CCNY: variants seen among roughly 807,000 people sequenced by gnomAD.
The protein encoded by CCNY is cyclin Y.
Under a neutral mutation model 42.8 loss-of-function variants are expected in CCNY, and 19 were observed. That is an observed-to-expected ratio of 0.44 (90% CI 0.31 to 0.65). CCNY has a LOEUF of 0.65. CCNY is among the 30% of genes least tolerant of loss of function. CCNY has a pLI of 0.07. For missense variants in CCNY, 370 were observed against 437.3 expected (o/e 0.85, Z 1.37); for synonymous variants, 165 against 162.7 (o/e 1.01, Z -0.11).
chr10:35,376,698 C>A (rs1837059402), intron 1 of CCNY, among the ~76,000 whole-genome samples: 1 of 152,094 alleles, frequency 6.6e-6, no homozygotes. Flanking sequence ...GGATGCTCAG[C>A]CTGTATTATT....
intron 1 of CCNY, among the ~76,000 whole-genome samples, chr10:35,381,994 G>T (rs1463972024): frequency 1.3e-5 from 2 of 152,088 alleles, no homozygotes; most frequent in Non-Finnish European, 2.9e-5. Context: ...AACAAATCAA[G>T]AAAATAATAG....
intron 1 of CCNY, among the ~76,000 whole-genome samples, chr10:35,368,133 C>T (rs1836849344): frequency 6.6e-6 from 1 of 152,200 alleles, no homozygotes; most frequent in Non-Finnish European, 1.5e-5. Flanking sequence ...ACGAGAACTG[C>T]TTATTTGGGA....
At chr10:35,560,994 T>C (rs982705142) in intron 8 of CCNY, among the ~76,000 whole-genome samples, 1 of 152,136 alleles carries the variant, frequency 6.6e-6, no homozygotes, top group Non-Finnish European at 1.5e-5. Context: ...CGGTGAGTTT[T>C]CCCAGCATAA....
intron 3 of CCNY, among the ~76,000 whole-genome samples, chr10:35,261,064 T>C (rs1041998099): frequency 6.6e-6 from 1 of 152,006 alleles, no homozygotes; most frequent in African/African-American, 2.4e-5. Flanking sequence ...TGAGCCGTGA[T>C]TGTGCTACTG....
At chr10:35,522,156 G>A (rs894725754) in intron 4 of CCNY, among the ~76,000 whole-genome samples, 4 of 152,186 alleles carry the variant, frequency 2.6e-5, no homozygotes, top group African/African-American at 4.8e-5. Context: ...AGAAGGTGGT[G>A]AGCACCGCCA....
intron 3 of CCNY, chr10:35,316,204 G>C (rs893828157): frequency 2.6e-5 from 4 of 152,216 alleles, no homozygotes; most frequent in Non-Finnish European, 5.9e-5. Context: ...CAGTGTACTA[G>C]AGTAACAGAG....
At chr10:35,494,383 C>T (rs1201767205) in intron 2 of CCNY, among the ~76,000 whole-genome samples, 2 of 152,044 alleles carry the variant, frequency 1.3e-5, no homozygotes, top group Non-Finnish European at 2.9e-5. Context: ...TTAGAATACA[C>T]AGCACTTTAA....
At chr10:35,420,713 CT>C (rs1041964621) in intron 1 of CCNY, among the ~76,000 whole-genome samples, 22 of 152,228 alleles carry the variant, frequency 1.4e-4, no homozygotes, top group African/African-American at 4.3e-4. Context: ...ATGAAGTAAA[CT>C]TTTTTAAAGC....
upstream of CCNY, chr10:35,335,856 G>GACACACAC (rs113808457): frequency 6.9e-6 from 1 of 145,912 alleles, no homozygotes; most frequent in East Asian, 2.0e-4. Context: ...CTACTTTGGA[G>GACACACAC]ACACACACAC....
At position 35,322,437 on chromosome 10, in the gene CCNY, T is replaced by G. The variant is rs534176856; in HGVS notation, c.-9+71811T>G. The stretch of plus-strand genomic sequence containing the variant: ...TGATCTGAAGGGAGTCAAAGAGTTC[T>G]TAGATAATTGAATACACACACACAA... On this transcript the variant is annotated intron_variant, in intron 3 of 11. Coordinates refer to the CCNY transcript ENST00000374706. Among the ~76,000 whole-genome samples, 4 of 150,814 alleles carry G rather than the reference T, an allele frequency of 2.7e-5. No homozygotes were observed. The South Asian group carries it at 8.4e-4, about 32-fold the overall frequency.
chr10:35,343,508 G>A (rs1836232799), intron 1 of CCNY, among the ~76,000 whole-genome samples: 2 of 147,786 alleles, frequency 1.4e-5, no homozygotes, highest in South Asian at 4.3e-4. Context: ...CCCTGCCTCA[G>A]CCTCCTAAGT....
intron 3 of CCNY, among the ~76,000 whole-genome samples, chr10:35,317,652 T>A (rs1478258015): frequency 6.6e-6 from 1 of 152,162 alleles, no homozygotes; most frequent in Non-Finnish European, 1.5e-5. Flanking sequence ...CACATTTCCT[T>A]GAGAGACATT....
chr10:35,555,008 C>A (rs748440886), intron 8 of CCNY, among the ~76,000 whole-genome samples: 158 of 152,308 alleles, frequency 1.0e-3, no homozygotes, highest in African/African-American at 3.6e-3. Context: ...GGAAAATCCT[C>A]TTAGTTGATT....
intron 2 of CCNY, among the ~76,000 whole-genome samples, chr10:35,490,311 T>C (rs1839870836): frequency 6.6e-6 from 1 of 152,250 alleles, no homozygotes; most frequent in African/African-American, 2.4e-5. Flanking sequence ...ATTATGTATT[T>C]CTTTATTTGT....
intron 2 of CCNY, among the ~76,000 whole-genome samples, chr10:35,485,548 AC>A (rs1435752675): frequency 6.6e-6 from 1 of 151,994 alleles, no homozygotes; most frequent in East Asian, 1.9e-4. Context: ...ACATGGTGAA[AC>A]CCCGTCTCTA....
chr10:35,442,131 A>T (rs2135297633), intron 1 of CCNY, among the ~76,000 whole-genome samples: 1 of 152,350 alleles, frequency 6.6e-6, no homozygotes, highest in East Asian at 1.9e-4. Context: ...TAGAAATGTC[A>T]CTTAGCCTGC....
chr10:35,298,323 A>G (rs1272658584), intron 3 of CCNY, among the ~76,000 whole-genome samples: 2 of 151,560 alleles, frequency 1.3e-5, no homozygotes, highest in Non-Finnish European at 2.9e-5. Context: ...TCCCAACCCA[A>G]CTCTTGGCAC....
intron 3 of CCNY, among the ~76,000 whole-genome samples, chr10:35,295,167 T>C (rs1399543946): frequency 1.1e-4 from 17 of 151,776 alleles, no homozygotes; most frequent in Admixed American, 1.1e-3. Context: ...AATAAATAAA[T>C]AAATAAAAGT....
At chr10:35,481,067 A>T (rs1356184484) in intron 1 of CCNY, among the ~76,000 whole-genome samples, 1 of 152,222 alleles carries the variant, frequency 6.6e-6, no homozygotes, top group Non-Finnish European at 1.5e-5. Flanking sequence ...TATTCTTTTG[A>T]TGTATTTTCT....
Sources: gnomAD v4.1 joint callset for allele counts (sites outside exome capture counted in the v4.1 genomes callset) on GRCh38, gnomAD v4.1.1 for gene constraint, MANE v1.5 for transcripts, NCBI Gene and HGNC (gene_info 2026-07-23, HGNC 2026-07-21) for gene names.